Variants in VAT1L observed in about 807,000 individuals in gnomAD.
VAT1L encodes vesicle amine transport 1 like.
In VAT1L, 34 loss-of-function variants were observed where a neutral mutation model predicts 44.1. The ratio of observed to expected loss-of-function variants is 0.77; its 90% CI spans 0.59 to 1.03. The LOEUF (loss-of-function observed/expected upper bound fraction) is 1.03, where lower values mean the gene tolerates loss of function less well. Among genes scored for constraint, VAT1L ranks in the 50% least tolerant of loss-of-function variants. The pLI, the probability that VAT1L is intolerant of heterozygous loss-of-function variation, is 0.00. For missense variants in VAT1L, 615 were observed against 538.8 expected (o/e 1.14, Z -1.40); for synonymous variants, 253 against 202.2 (o/e 1.25, Z -2.13).
chr16:77,824,550 T>A (rs919777062), intron 2 of VAT1L, among the ~76,000 whole-genome samples: 1 of 151,836 alleles, frequency 6.6e-6, no homozygotes, highest in African/African-American at 2.4e-5. Context: ...GGTCAGGAGA[T>A]CGAGACCATC....
chr16:77,934,607 G>A (rs983128367), intron 7 of VAT1L, among the ~76,000 whole-genome samples: 4 of 152,130 alleles, frequency 2.6e-5, no homozygotes, highest in African/African-American at 9.7e-5. Context: ...AAGCCACTAA[G>A]TCTGTAGTAA....
intron 1 of VAT1L, among the ~76,000 whole-genome samples, chr16:77,816,493 T>C (rs1424725918): frequency 1.3e-5 from 2 of 152,196 alleles, no homozygotes; most frequent in Non-Finnish European, 2.9e-5. Context: ...CTAGTGGCCA[T>C]TAGGTCTGGC....
intron 7 of VAT1L, among the ~76,000 whole-genome samples, chr16:77,965,538 G>A (rs1235634291): frequency 6.6e-6 from 1 of 152,194 alleles, no homozygotes; most frequent in East Asian, 1.9e-4. Context: ...TGGGAAACCA[G>A]CTCTGTTGGA....
chr16:77,946,309 A>T (rs573555579), intron 7 of VAT1L, among the ~76,000 whole-genome samples: 1 of 6,310 alleles, frequency 1.6e-4, no homozygotes, highest in Admixed American at 1.4e-3. Flanking sequence ...TTTGAGACAG[A>T]GTCTCACTCT....
intron 7 of VAT1L, among the ~76,000 whole-genome samples, chr16:77,926,568 G>A (rs1567510542): frequency 1.3e-5 from 2 of 152,174 alleles, no homozygotes; most frequent in South Asian, 2.1e-4. Flanking sequence ...GGGTGACAGA[G>A]CAAGACTCCA....
intron 3 of VAT1L, among the ~76,000 whole-genome samples, chr16:77,839,624 A>G (rs2016682847): frequency 6.6e-6 from 1 of 150,984 alleles, no homozygotes. Flanking sequence ...AGAGTATGAC[A>G]AGTGAGAAGG....
intron 7 of VAT1L, among the ~76,000 whole-genome samples, chr16:77,939,852 G>A (rs1454632470): frequency 6.6e-6 from 1 of 152,172 alleles, no homozygotes; most frequent in African/African-American, 2.4e-5. Flanking sequence ...AGCAGGGCTA[G>A]CACTAAAATA....
chr16:77,874,298 ACT>A (rs2017064617), intron 4 of VAT1L, among the ~76,000 whole-genome samples: 1 of 152,092 alleles, frequency 6.6e-6, no homozygotes, highest in African/African-American at 2.4e-5. Context: ...CCAGGACCCC[ACT>A]CTCGCAAGAG....
intron 8 of VAT1L, 56 bp downstream of exon 8, chr16:77,971,989 A>C: frequency 6.5e-7 from 1 of 1,536,000 alleles, no homozygotes; most frequent in Non-Finnish European, 8.9e-7. Flanking sequence ...ACCACGGGTC[A>C]ATCAGATGCA....
intron 3 of VAT1L, among the ~76,000 whole-genome samples, chr16:77,855,000 T>C (rs1438342477): frequency 6.6e-6 from 1 of 152,102 alleles, no homozygotes; most frequent in Non-Finnish European, 1.5e-5. Context: ...CAAGAAATCT[T>C]AGAACTGAAG....
At chr16:77,911,766 G>A (rs773134096) in intron 7 of VAT1L, among the ~76,000 whole-genome samples, 4 of 152,128 alleles carry the variant, frequency 2.6e-5, no homozygotes, top group Non-Finnish European at 5.9e-5. Context: ...GAGATATGAA[G>A]AAAGGGACTC....
intron 7 of VAT1L, among the ~76,000 whole-genome samples, chr16:77,898,800 C>T (rs2017350851): frequency 2.6e-5 from 4 of 152,208 alleles, no homozygotes; most frequent in Admixed American, 1.3e-4. Context: ...CGTGCTTGTA[C>T]TCATTTCCAA....
chr16:77,873,693 T>C (rs1125690), intron 4 of VAT1L, among the ~76,000 whole-genome samples: 56,163 of 151,730 alleles, frequency 0.37, 10,711 homozygotes, highest in East Asian at 0.55. Flanking sequence ...CATTAAAGCA[T>C]AAAGGAAACT....
At chr16:77,829,204 C>T (rs1401449912) in intron 3 of VAT1L, among the ~76,000 whole-genome samples, 1 of 152,176 alleles carries the variant, frequency 6.6e-6, no homozygotes, top group African/African-American at 2.4e-5. Context: ...CAACCTCTAC[C>T]CAGTGCTCAG....
chr16:77,807,635 G>A (rs57792994), intron 1 of VAT1L, among the ~76,000 whole-genome samples: 8,386 of 152,108 alleles, frequency 0.055, 453 homozygotes, highest in East Asian at 0.13. Flanking sequence ...TGTTTCCCAG[G>A]GAACCTGACC....
At chr16:77,877,325 A>G (rs1482709243) in intron 5 of VAT1L, among the ~76,000 whole-genome samples, 1 of 152,024 alleles carries the variant, frequency 6.6e-6, no homozygotes, top group East Asian at 1.9e-4. Flanking sequence ...CCTGGCTAAC[A>G]TGGTGAAACC....
At chr16:77,926,180 G>A (rs1334328189) in intron 7 of VAT1L, among the ~76,000 whole-genome samples, 5 of 151,234 alleles carry the variant, frequency 3.3e-5, no homozygotes, top group African/African-American at 1.2e-4. Context: ...GTGAACCCGG[G>A]AGGCGGAGCT....
At chr16:77,794,743 A>G (rs1173516977) in intron 1 of VAT1L, among the ~76,000 whole-genome samples, 2 of 152,206 alleles carry the variant, frequency 1.3e-5, no homozygotes, top group Non-Finnish European at 2.9e-5. Flanking sequence ...ATGTGTTCTG[A>G]ATCACTCTGT....
chr16:77,958,445 A>G (rs1597121312), intron 7 of VAT1L, among the ~76,000 whole-genome samples: 1 of 152,138 alleles, frequency 6.6e-6, no homozygotes, highest in South Asian at 2.1e-4. Flanking sequence ...CATGTCTTTT[A>G]TCCTCTTCCC....
Sources: allele counts gnomAD v4.1 joint callset (sites outside exome capture counted in the v4.1 genomes callset), GRCh38; gene constraint gnomAD v4.1.1; transcripts MANE v1.5; gene names NCBI Gene and HGNC (gene_info 2026-07-23, HGNC 2026-07-21).